GALNTL6: variants seen among roughly 807,000 people sequenced by gnomAD.
GALNTL6 encodes polypeptide N-acetylgalactosaminyltransferase like 6, also known as polypeptide N-acetylgalactosaminyltransferase-like 6.
GALNTL6 carries 46 observed loss-of-function variants against 73.7 expected under a neutral mutation model. That is an observed-to-expected ratio of 0.62 (90% CI 0.49 to 0.80). GALNTL6 has a LOEUF of 0.80. Among genes scored for constraint, GALNTL6 ranks in the 30% least tolerant of loss-of-function variants. The pLI, the probability that GALNTL6 is intolerant of heterozygous loss-of-function variation, is 0.00. For missense variants in GALNTL6, 604 were observed against 755.0 expected (o/e 0.80, Z 2.34); for synonymous variants, 259 against 263.7 (o/e 0.98, Z 0.17).
At chr4:172,012,341 T>C (rs1157492859) in intron 2 of GALNTL6, among the ~76,000 whole-genome samples, 1 of 152,066 alleles carries the variant, frequency 6.6e-6, no homozygotes, top group African/African-American at 2.4e-5. Context: ...AGTACAACCC[T>C]TCTTCCAGGG....
At chr4:172,233,199 T>C (rs1579283744) in intron 3 of GALNTL6, among the ~76,000 whole-genome samples, 1 of 124,894 alleles carries the variant, frequency 8.0e-6, no homozygotes, top group Admixed American at 8.8e-5. Context: ...CGAGACCTCA[T>C]CTCTCCAAAA....
chr4:171,962,295 C>T (rs984713081), intron 2 of GALNTL6, among the ~76,000 whole-genome samples: 3 of 152,162 alleles, frequency 2.0e-5, no homozygotes, highest in Non-Finnish European at 4.4e-5. Context: ...AGGCTGAGAC[C>T]TACCGGGCTG....
intron 3 of GALNTL6, among the ~76,000 whole-genome samples, chr4:172,309,663 G>C (rs1488179252): frequency 2.0e-5 from 3 of 151,994 alleles, no homozygotes; most frequent in East Asian, 1.9e-4. Context: ...GAAATCATGA[G>C]TTATGAAGAA....
At chr4:171,930,966 T>C (rs1040536711) in intron 2 of GALNTL6, among the ~76,000 whole-genome samples, 2 of 152,188 alleles carry the variant, frequency 1.3e-5, no homozygotes, top group East Asian at 3.8e-4. Flanking sequence ...TCATCCAAAT[T>C]GGATGTTGAA....
intron 5 of GALNTL6, among the ~76,000 whole-genome samples, chr4:172,616,276 T>C (rs1738725957): frequency 6.6e-6 from 1 of 152,198 alleles, no homozygotes; most frequent in Non-Finnish European, 1.5e-5. Context: ...AATCGTCTAT[T>C]GTAACCAAAT....
At chr4:172,385,266 C>T (rs530666564) in intron 5 of GALNTL6, among the ~76,000 whole-genome samples, 19 of 151,874 alleles carry the variant, frequency 1.3e-4, no homozygotes, top group East Asian at 1.9e-4. Context: ...GCTATGATTG[C>T]GTATTCTATA....
intron 2 of GALNTL6, among the ~76,000 whole-genome samples, chr4:171,891,928 A>G (rs1052694005): frequency 1.3e-5 from 2 of 152,220 alleles, no homozygotes; most frequent in Non-Finnish European, 1.5e-5. Context: ...ACGCTATTAC[A>G]GGTTGAGCAT....
At chr4:172,548,240 T>TA (rs34206272) in intron 5 of GALNTL6, among the ~76,000 whole-genome samples, 27 of 152,322 alleles carry the variant, frequency 1.8e-4, no homozygotes, top group Middle Eastern at 3.4e-3. Flanking sequence ...TATATTTTTA[T>TA]AAAAACTCTT....
chr4:172,083,939 T>A (rs1288763151), intron 2 of GALNTL6, among the ~76,000 whole-genome samples: 3 of 152,134 alleles, frequency 2.0e-5, no homozygotes, highest in Non-Finnish European at 2.9e-5. Context: ...GGAGTAAGCG[T>A]GTTAAGCTAT....
chr4:172,709,673 A>G (rs1435689572), intron 5 of GALNTL6, among the ~76,000 whole-genome samples: 1 of 152,124 alleles, frequency 6.6e-6, no homozygotes, highest in Non-Finnish European at 1.5e-5. Context: ...GCTATCCATA[A>G]AGCAGGGCCC....
intron 5 of GALNTL6, among the ~76,000 whole-genome samples, chr4:172,705,347 T>C (rs897312767): frequency 6.6e-6 from 1 of 151,784 alleles, no homozygotes; most frequent in African/African-American, 2.4e-5. Flanking sequence ...TTTTATATTA[T>C]AGGTTTTTGC....
intron 3 of GALNTL6, among the ~76,000 whole-genome samples, chr4:172,277,808 A>G (rs1462815336): frequency 5.0e-4 from 76 of 152,202 alleles, no homozygotes; most frequent in Non-Finnish European, 1.9e-4. Context: ...CTACTTATAC[A>G]TGCTGCTTTT....
At chr4:172,717,461 T>G (rs1032583385) in intron 5 of GALNTL6, among the ~76,000 whole-genome samples, 5 of 152,166 alleles carry the variant, frequency 3.3e-5, no homozygotes, top group Non-Finnish European at 5.9e-5. Flanking sequence ...TTGGTGAAAA[T>G]GAACAGTGAA....
chr4:172,815,353 G>A (rs987772100), intron 7 of GALNTL6, among the ~76,000 whole-genome samples: 3 of 152,092 alleles, frequency 2.0e-5, no homozygotes, highest in African/African-American at 7.2e-5. Context: ...GTGGAGAGGA[G>A]TACAAAAGGG....
rs114563579 is a variant in GALNTL6, at chr4:172,481,369, G to C, written c.553+132680G>C. ...GGACCCAAAGAGTGAGCACCAGCAAGACGTATTGCAAAGAGCAAAAGAGCA... is the reference window on the plus strand; with the variant it reads ...GGACCCAAAGAGTGAGCACCAGCAACACGTATTGCAAAGAGCAAAAGAGCA... On this transcript the variant is annotated intron_variant, in intron 5 of 12. Transcript: ENST00000506823. Among the ~76,000 whole-genome samples the C allele has an allele frequency of 3.0e-3, 456 of 152,186 alleles. 2 individuals are homozygous for C. Among genetic ancestry groups the C allele is most frequent in the African/African-American group, 0.01 (422 of 41,502 alleles).
chr4:172,585,835 A>C (rs1054034816), intron 5 of GALNTL6, among the ~76,000 whole-genome samples: 6 of 152,248 alleles, frequency 3.9e-5, no homozygotes, highest in Admixed American at 6.5e-5. Flanking sequence ...AACCCCATCA[A>C]AAAATGGGCA....
At chr4:172,914,038 A>G (rs1747361225) in intron 8 of GALNTL6, among the ~76,000 whole-genome samples, 1 of 152,202 alleles carries the variant, frequency 6.6e-6, no homozygotes, top group African/African-American at 2.4e-5. Flanking sequence ...ACTAACAGCT[A>G]ATCTCTCAGC....
chr4:171,995,029 A>G (rs995369883), intron 2 of GALNTL6, among the ~76,000 whole-genome samples: 1 of 152,016 alleles, frequency 6.6e-6, no homozygotes, highest in African/African-American at 2.4e-5. Flanking sequence ...TATACAAAAA[A>G]TGGAAAGACT....
intron 5 of GALNTL6, among the ~76,000 whole-genome samples, chr4:172,541,561 G>A (rs1390564370): frequency 2.6e-5 from 4 of 152,212 alleles, no homozygotes; most frequent in Non-Finnish European, 4.4e-5. Flanking sequence ...AAGAAAGTAA[G>A]ATAAACTTGG....
Sources: gnomAD v4.1 joint callset for allele counts (sites outside exome capture counted in the v4.1 genomes callset) on GRCh38, gnomAD v4.1.1 for gene constraint, MANE v1.5 for transcripts, NCBI Gene and HGNC (gene_info 2026-07-23, HGNC 2026-07-21) for gene names.